Variants in CACNA1B observed in about 807,000 individuals in gnomAD.
The protein encoded by CACNA1B is calcium voltage-gated channel subunit alpha1 B.
A neutral mutation model predicts 247.2 loss-of-function variants in CACNA1B; 70 were observed. The observed-to-expected ratio is 0.28, with a 90% CI of 0.23 to 0.35. The LOEUF (loss-of-function observed/expected upper bound fraction) is 0.35, where lower values mean the gene tolerates loss of function less well. Ranked by LOEUF, CACNA1B falls within the 10% of genes least tolerant of loss-of-function variation. The pLI, the probability that CACNA1B is intolerant of heterozygous loss-of-function variation, is 1.00. For synonymous variants in CACNA1B, 1,231 were observed against 1,294.4 expected (o/e 0.95, Z 1.05); for missense variants, 2,367 against 3,197.4 (o/e 0.74, Z 6.26).
intron 15 of CACNA1B, among the ~76,000 whole-genome samples, chr9:137,991,296 C>A (rs117883007): frequency 0.043 from 6,522 of 152,254 alleles, 173 homozygotes; most frequent in South Asian, 0.083. Flanking sequence ...ACTGGAAAGT[C>A]TCAGCAATAG....
intron 42 of CACNA1B, among the ~76,000 whole-genome samples, chr9:138,117,141 G>A (rs1331277808): frequency 2.0e-5 from 3 of 152,260 alleles, no homozygotes; most frequent in African/African-American, 7.2e-5. Flanking sequence ...CCAGTTGGGA[G>A]ATAAGTGATG....
chr9:138,103,987 C>T (rs147574321), intron 38 of CACNA1B, among the ~76,000 whole-genome samples: 4 of 152,360 alleles, frequency 2.6e-5, no homozygotes, highest in African/African-American at 9.6e-5. Context: ...GCTTTGTCCC[C>T]AAGAAGGAGA....
rs532744929 is a variant in CACNA1B, at chr9:137,884,714, G to T, written c.530+1831G>T. On this transcript the variant is annotated intron_variant, in intron 3 of 46. Transcript: ENST00000371372. Reference sequence around the variant, plus strand: ...CGGGCCAGCGGGCAGCTGGGTAGAGGTGGCAGCACCCGGCCTCATGGGGCG... The same window carrying T: ...CGGGCCAGCGGGCAGCTGGGTAGAGTTGGCAGCACCCGGCCTCATGGGGCG... 5.9e-5 allele frequency among the ~76,000 whole-genome samples: 9 copies of T among 152,154 alleles called. No homozygotes were observed. The South Asian group carries it at 1.9e-3, about 32-fold the overall frequency.
At position 137,957,757 on chromosome 9, in the gene CACNA1B, C is replaced by A; in HGVS notation, c.1333+70C>A. On this transcript the variant is annotated intron_variant, in intron 10 of 46. Transcript: ENST00000371372. This position sits in a 1 kb window ranked among gnomAD's most constrained non-coding sequence, Gnocchi z 4.7. ...ACATGGAGTGCATGCTCCGCTTCCCCTGCTACCCAGCCACTGTTGGACGCC... is the reference window on the plus strand; with the variant it reads ...ACATGGAGTGCATGCTCCGCTTCCCATGCTACCCAGCCACTGTTGGACGCC... 8.9e-7 allele frequency: 1 copy of A among 1,124,734 alleles called. No individual in the cohort carries two copies. The highest frequency in any genetic ancestry group is 1.3e-6 in the Non-Finnish European group (1 of 796,490). 69.7% of individuals were successfully genotyped at this position (1,124,734 alleles called of 1,614,324 possible).
intron 6 of CACNA1B, among the ~76,000 whole-genome samples, chr9:137,934,657 C>T (rs983095073): frequency 1.4e-4 from 22 of 152,220 alleles, no homozygotes; most frequent in African/African-American, 4.8e-4. Flanking sequence ...GGACTCTGTG[C>T]AGACAACCCC....
At chr9:138,038,164 G>A (rs886915157) in intron 20 of CACNA1B, among the ~76,000 whole-genome samples, 5 of 152,128 alleles carry the variant, frequency 3.3e-5, no homozygotes, top group African/African-American at 9.7e-5. Flanking sequence ...GAATTTTAAC[G>A]TGTTTGACGT....
chr9:138,105,609 C>T (rs987553399), intron 38 of CACNA1B, 90 bp from the exon 39 acceptor site: 100 of 731,178 alleles, frequency 1.4e-4, no homozygotes, highest in South Asian at 9.9e-4. Context: ...GGATGCCCAG[C>T]CCAGCATCCA....
intron 20 of CACNA1B, among the ~76,000 whole-genome samples, chr9:138,036,051 C>G (rs568725941): frequency 6.6e-6 from 1 of 151,980 alleles, no homozygotes; most frequent in African/African-American, 2.4e-5. Flanking sequence ...TCTGTTATTC[C>G]TTTTCATATT....
At chr9:137,994,943 G>T (rs1958478215) in intron 15 of CACNA1B, among the ~76,000 whole-genome samples, 1 of 152,148 alleles carries the variant, frequency 6.6e-6, no homozygotes, top group African/African-American at 2.4e-5. Flanking sequence ...AGTGGCTCTT[G>T]CCTGTAATCC....
At chr9:138,097,963 C>T (rs527588428) in intron 37 of CACNA1B, among the ~76,000 whole-genome samples, 91 of 152,312 alleles carry the variant, frequency 6.0e-4, no homozygotes, top group African/African-American at 1.9e-3. Context: ...GGGTGCTGCA[C>T]GGGCCCTTCC....
In CACNA1B at chr9:137,913,383, C is replaced by A; in HGVS notation, c.622+112C>A. Reference sequence around the variant, plus strand: ...TTGGCTTTGGTGACTCTGAGCTTGCCACTTTTGACCCCAGGGAACCAGGCA... The same window carrying A: ...TTGGCTTTGGTGACTCTGAGCTTGCAACTTTTGACCCCAGGGAACCAGGCA... On this transcript the variant is annotated intron_variant, in intron 4 of 46. Transcript: ENST00000371372. The surrounding 1 kb of genome is among the most constrained non-coding windows in gnomAD (Gnocchi z 5.2). The A allele has an allele frequency of 3.9e-6, 3 of 768,322 alleles. No individual in the cohort carries two copies. Among genetic ancestry groups the A allele is most frequent in the South Asian group, 1.7e-5 (1 of 58,344 alleles). 47.6% of individuals were successfully genotyped at this position (768,322 alleles called of 1,614,324 possible).
intron 9 of CACNA1B, 137 bp downstream of exon 9, chr9:137,956,964 C>A: frequency 1.5e-6 from 1 of 688,856 alleles, no homozygotes; most frequent in Non-Finnish European, 2.6e-6. Context: ...CACATGAACA[C>A]AGACTAGGGC....
At chr9:138,113,181 C>T (rs918525231) in intron 40 of CACNA1B, among the ~76,000 whole-genome samples, 2 of 133,198 alleles carry the variant, frequency 1.5e-5, no homozygotes, top group African/African-American at 2.9e-5. Context: ...CGTGAGGGAG[C>T]GCGGGGACGT....
intron 20 of CACNA1B, among the ~76,000 whole-genome samples, chr9:138,038,642 T>G (rs1959076741): frequency 6.6e-6 from 1 of 152,302 alleles, no homozygotes; most frequent in South Asian, 2.1e-4. Flanking sequence ...GAGCCCAGAG[T>G]GTCCCTGTGG....
At chr9:138,046,874 C>T in intron 21 of CACNA1B, 30 bp from the exon 22 acceptor site, 2 of 1,606,910 alleles carry the variant, frequency 1.2e-6, no homozygotes, top group Non-Finnish European at 1.7e-6. Flanking sequence ...GGCTGGGGGG[C>T]CTTGTGGTGA....
chr9:137,967,926 C>G (rs1958100264), intron 10 of CACNA1B, among the ~76,000 whole-genome samples: 1 of 152,220 alleles, frequency 6.6e-6, no homozygotes, highest in African/African-American at 2.4e-5. Context: ...AGTCCATGCC[C>G]TCTTCCTTGA....
intron 36 of CACNA1B, among the ~76,000 whole-genome samples, chr9:138,095,113 G>T (rs560380033): frequency 6.6e-6 from 1 of 152,156 alleles, no homozygotes; most frequent in Non-Finnish European, 1.5e-5. Context: ...AGATAAATTA[G>T]ACTACATCAA....
At chr9:138,048,323 G>T (rs867392608) in intron 23 of CACNA1B, among the ~76,000 whole-genome samples, 2 of 152,224 alleles carry the variant, frequency 1.3e-5, no homozygotes, top group African/African-American at 4.8e-5. Context: ...CTTGCCTGCA[G>T]GGGATCTGGG....
chr9:138,091,628 A>G (rs1960882257), intron 36 of CACNA1B, among the ~76,000 whole-genome samples: 1 of 152,232 alleles, frequency 6.6e-6, no homozygotes, highest in Non-Finnish European at 1.5e-5. Flanking sequence ...ATCATTACAC[A>G]TTTGTATACA....
Sources: gnomAD v4.1 joint callset for allele counts (sites outside exome capture counted in the v4.1 genomes callset) on GRCh38, gnomAD v4.1.1 for gene constraint, Gnocchi (gnomAD v3.1) non-coding constraint, MANE v1.5 for transcripts, NCBI Gene and HGNC (gene_info 2026-07-23, HGNC 2026-07-21) for gene names.